The following RERE variants were observed in gnomAD, a reference collection of about 807,000 sequenced individuals.
The protein encoded by RERE is arginine-glutamic acid dipeptide repeats protein.
In RERE, 40 loss-of-function variants were observed where a neutral mutation model predicts 146.1. The ratio of observed to expected loss-of-function variants is 0.27; its 90% CI spans 0.21 to 0.36. The LOEUF is 0.36. RERE is among the 10% of genes least tolerant of loss of function. RERE has a pLI of 1.00. For missense variants in RERE, 1,933 were observed against 2,138.7 expected, an observed-to-expected ratio of 0.90 and a Z score of 1.90; for synonymous variants, 1,003 against 866.0, an observed-to-expected ratio of 1.16 and a Z score of -2.78.
intron 5 of RERE, 68 bp downstream of exon 5, chr1:8,557,350 A>C: frequency 9.6e-7 from 1 of 1,045,858 alleles, no homozygotes; most frequent in Non-Finnish European, 1.5e-6. Flanking sequence ...CATTTAATGA[A>C]ATGTCTTTAG....
intron 4 of RERE, among the ~76,000 whole-genome samples, chr1:8,587,291 T>C (rs1345893112): frequency 6.6e-6 from 1 of 152,174 alleles, no homozygotes; most frequent in Non-Finnish European, 1.5e-5. Flanking sequence ...TGAGCCTCTA[T>C]TCCCAATCTG....
At chr1:8,377,925 A>T (rs1642315656) in intron 12 of RERE, among the ~76,000 whole-genome samples, 1 of 152,176 alleles carries the variant, frequency 6.6e-6, no homozygotes, top group East Asian at 1.9e-4. Context: ...TAGTTAGGAG[A>T]AAAATGTTTT....
At chr1:8,779,999 C>A (rs1369730155) in intron 1 of RERE, among the ~76,000 whole-genome samples, 1 of 151,940 alleles carries the variant, frequency 6.6e-6, no homozygotes. Context: ...AAGACCAGCA[C>A]GGCCAACTTG....
chr1:8,645,733 G>T (rs1324698644), intron 2 of RERE, among the ~76,000 whole-genome samples: 2 of 152,112 alleles, frequency 1.3e-5, no homozygotes, highest in African/African-American at 4.8e-5. Flanking sequence ...AAAAAGATAT[G>T]ATTAATTTGT....
chr1:8,648,789 T>C (rs921942149), intron 2 of RERE, among the ~76,000 whole-genome samples: 1 of 152,252 alleles, frequency 6.6e-6, no homozygotes, highest in African/African-American at 2.4e-5. Flanking sequence ...TATACATAAA[T>C]ACATGTTTTG....
At chr1:8,402,573 G>A (rs891512243) in intron 12 of RERE, among the ~76,000 whole-genome samples, 6 of 152,126 alleles carry the variant, frequency 3.9e-5, no homozygotes, top group African/African-American at 1.4e-4. Flanking sequence ...TTGCATTCCC[G>A]GGATAACTCC....
intron 2 of RERE, among the ~76,000 whole-genome samples, chr1:8,635,817 AC>A (rs1202767781): frequency 6.6e-6 from 1 of 151,848 alleles, no homozygotes; most frequent in Non-Finnish European, 1.5e-5. Flanking sequence ...CTGACTGGGC[AC>A]CACTAATGTG....
At chr1:8,498,732 T>TACACACACACACACACACACAC (rs1553175300) in intron 8 of RERE, among the ~76,000 whole-genome samples, 19 of 107,834 alleles carry the variant, frequency 1.8e-4, no homozygotes, top group East Asian at 5.4e-4. Context: ...AATAAATATA[T>TACACACACACACACACACACAC]ACACACACAC....
chr1:8,510,855 A>T (rs1645325871), intron 7 of RERE, among the ~76,000 whole-genome samples: 1 of 152,158 alleles, frequency 6.6e-6, no homozygotes, highest in African/African-American at 2.4e-5. Context: ...CAGTGGTTGG[A>T]TATCATTTCC....
chr1:8,474,748 T>C (rs1644731282), intron 10 of RERE, among the ~76,000 whole-genome samples: 1 of 152,230 alleles, frequency 6.6e-6, no homozygotes, highest in African/African-American at 2.4e-5. Flanking sequence ...GTGACCTTTT[T>C]AGATCAAATG....
At chr1:8,542,615 G>C (rs1645812637) in intron 6 of RERE, among the ~76,000 whole-genome samples, 1 of 152,142 alleles carries the variant, frequency 6.6e-6, no homozygotes, top group Admixed American at 6.5e-5. Context: ...TTGAGGCCAG[G>C]AATTCAAGAA....
intron 1 of RERE, among the ~76,000 whole-genome samples, chr1:8,686,044 C>G (rs977468245): frequency 6.6e-6 from 1 of 151,266 alleles, no homozygotes; most frequent in African/African-American, 2.4e-5. Context: ...AGCAGTAGCA[C>G]GATCTCAGCT....
chr1:8,683,087 C>T lies in RERE; in HGVS notation c.-144-26646G>A, dbSNP rs538531405. Among the ~76,000 whole-genome samples the T allele has an allele frequency of 4.6e-5, 6 of 131,674 alleles. No homozygotes were observed. In the South Asian group the frequency reaches 1.6e-3, roughly 34 times the overall value. The allele number at this position is 131,674 out of a possible 152,430, so 86.4% of individuals were successfully genotyped here. ...AACTCAAAAATTCTATTAGTATAATCATCAAGCTTCAAAAACCAAATATAA... is the reference window on the plus strand; with the variant it reads ...AACTCAAAAATTCTATTAGTATAATTATCAAGCTTCAAAAACCAAATATAA... On this transcript the variant is annotated intron_variant, in intron 1 of 22. Coordinates refer to ENST00000400908, the MANE Select transcript of RERE (RefSeq NM_001042681.2).
intron 10 of RERE, among the ~76,000 whole-genome samples, chr1:8,494,001 CAACA>C (rs775982537): frequency 1.5e-4 from 23 of 152,138 alleles, no homozygotes; most frequent in Non-Finnish European, 2.8e-4. Flanking sequence ...AAAACAACAA[CAACA>C]AACAAAGAAC....
At chr1:8,482,823 AT>A (rs1644854204) in intron 10 of RERE, among the ~76,000 whole-genome samples, 1 of 152,106 alleles carries the variant, frequency 6.6e-6, no homozygotes, top group Admixed American at 6.6e-5. Context: ...TAAACACTTA[AT>A]TTTCAAAACA....
chr1:8,383,862 A>G (rs1642541009), intron 12 of RERE, among the ~76,000 whole-genome samples: 1 of 125,838 alleles, frequency 7.9e-6, no homozygotes, highest in African/African-American at 3.2e-5. Flanking sequence ...CTGTCTCAAA[A>G]AATAAATAAA....
intron 4 of RERE, among the ~76,000 whole-genome samples, chr1:8,577,645 G>A (rs148507188): frequency 2.6e-4 from 40 of 152,290 alleles, no homozygotes; most frequent in African/African-American, 8.7e-4. Flanking sequence ...AAGTGAATAG[G>A]CACAGAGCCT....
At chr1:8,442,730 A>ACT (rs1644266069) in intron 11 of RERE, among the ~76,000 whole-genome samples, 1 of 152,204 alleles carries the variant, frequency 6.6e-6, no homozygotes, top group Non-Finnish European at 1.5e-5. Flanking sequence ...AGATGTTAGA[A>ACT]GAGTTTGCAG....
At chr1:8,809,028 C>T (rs1382910347) in intron 1 of RERE, among the ~76,000 whole-genome samples, 4 of 151,390 alleles carry the variant, frequency 2.6e-5, no homozygotes, top group African/African-American at 9.7e-5. Context: ...GTCCCAGCTA[C>T]TCAGGAGGCT....
Sources: gnomAD v4.1 joint callset for allele counts (sites outside exome capture counted in the v4.1 genomes callset) on GRCh38, gnomAD v4.1.1 for gene constraint, MANE v1.5 for transcripts, NCBI Gene and HGNC (gene_info 2026-07-23, HGNC 2026-07-21) for gene names.